Variants in DPP6 observed in about 807,000 individuals in gnomAD.
The protein encoded by DPP6 is dipeptidyl peptidase like 6, also known as A-type potassium channel modulatory protein DPP6.
In DPP6, 69 loss-of-function variants were observed where a neutral mutation model predicts 122.6. The ratio of observed to expected loss-of-function variants is 0.56; its 90% CI spans 0.46 to 0.69. DPP6 has a LOEUF of 0.69. Among genes scored for constraint, DPP6 ranks in the 30% least tolerant of loss-of-function variants. The pLI is 0.00. For missense variants in DPP6, 928 were observed against 1,116.9 expected (o/e 0.83, Z 2.41); for synonymous variants, 418 against 433.1 (o/e 0.97, Z 0.43).
chr7:153,994,055 C>T (rs1797319706), intron 1 of DPP6, among the ~76,000 whole-genome samples: 1 of 152,016 alleles, frequency 6.6e-6, no homozygotes, highest in South Asian at 2.1e-4. Flanking sequence ...TGGAAGCAAC[C>T]TTATAGGTAC....
intron 1 of DPP6, among the ~76,000 whole-genome samples, chr7:153,948,731 G>T (rs1055383975): frequency 6.8e-6 from 1 of 147,190 alleles, no homozygotes; most frequent in Non-Finnish European, 1.5e-5. Context: ...CTATAATATA[G>T]ACTACCTTCC....
chr7:154,080,579 T>G (rs369462833), intron 1 of DPP6, among the ~76,000 whole-genome samples: 1 of 152,208 alleles, frequency 6.6e-6, no homozygotes, highest in Non-Finnish European at 1.5e-5. Context: ...CTTTTCCCTA[T>G]GGTAGATAAG....
chr7:154,387,012 G>A (rs1279515708), intron 1 of DPP6, among the ~76,000 whole-genome samples: 1 of 152,140 alleles, frequency 6.6e-6, no homozygotes, highest in Non-Finnish European at 1.5e-5. Flanking sequence ...CCAGAGTGAG[G>A]TTACAGAAAG....
At chr7:154,079,998 G>A (rs991295362) in intron 1 of DPP6, among the ~76,000 whole-genome samples, 2 of 151,082 alleles carry the variant, frequency 1.3e-5, no homozygotes, top group Non-Finnish European at 2.9e-5. Context: ...TTTAAGAAAG[G>A]CACCAAATAC....
In DPP6 at chr7:154,313,751, A is replaced by ACACACACACATACACC. The variant is rs147976247; in HGVS notation, c.244-132462_244-132461insACACACACATACACCC. 1.4e-3 allele frequency among the ~76,000 whole-genome samples: 63 copies of ACACACACACATACACC among 45,270 alleles called. 7 individuals are homozygous for ACACACACACATACACC. Among genetic ancestry groups the ACACACACACATACACC allele is most frequent in the Middle Eastern group, 0.013 (1 of 76 alleles). The allele number at this position is 45,270 out of a possible 152,430, so 29.7% of individuals were successfully genotyped here. A position where few individuals can be genotyped will look rare whatever the true frequency, so the allele number is the denominator to read the frequency against. ...CACGCACACACACACACACACACAC[A>ACACACACACATACACC]CCCTTACATATATATGTAGTACTTC... On this transcript the variant is annotated intron_variant, in intron 1 of 25. Transcript: ENST00000377770.
At chr7:154,642,768 T>C (rs1836189353) in intron 6 of DPP6, among the ~76,000 whole-genome samples, 2 of 151,594 alleles carry the variant, frequency 1.3e-5, no homozygotes, top group African/African-American at 4.9e-5. Flanking sequence ...CCATGTCTAC[T>C]AAAAATACAA....
chr7:154,740,043 TA>T, intron 8 of DPP6, among the ~76,000 whole-genome samples: 1 of 152,210 alleles, frequency 6.6e-6, no homozygotes. Flanking sequence ...GTAATAAATC[TA>T]AAGGGAGAAT....
chr7:153,788,383 G>A, the DPP6 span, among the ~76,000 whole-genome samples: 2 of 152,204 alleles, frequency 1.3e-5, no homozygotes, highest in Non-Finnish European at 2.9e-5. Flanking sequence ...ACTCATACGT[G>A]CAAAAGTTTC....
At chr7:154,846,566 A>G (rs1435654849) in intron 16 of DPP6, among the ~76,000 whole-genome samples, 1 of 152,224 alleles carries the variant, frequency 6.6e-6, no homozygotes, top group African/African-American at 2.4e-5. Flanking sequence ...AACGTTGACT[A>G]TAAAACCTTT....
chr7:154,063,899 C>T (rs1223611574), intron 1 of DPP6, among the ~76,000 whole-genome samples: 1 of 151,592 alleles, frequency 6.6e-6, no homozygotes, highest in Non-Finnish European at 1.5e-5. Context: ...ATGTCAGGAG[C>T]TGATACTCCT....
intron 1 of DPP6, among the ~76,000 whole-genome samples, chr7:154,221,261 C>T (rs1800289815): frequency 6.6e-6 from 1 of 152,154 alleles, no homozygotes; most frequent in Admixed American, 6.5e-5. Flanking sequence ...CTGCCTCAGC[C>T]TCCCAAGTAG....
intron 1 of DPP6, among the ~76,000 whole-genome samples, chr7:154,120,458 A>T (rs962693583): frequency 1.3e-5 from 2 of 151,958 alleles, no homozygotes; most frequent in African/African-American, 4.8e-5. Flanking sequence ...GTTAGCCAGG[A>T]TGGTCTTGAT....
At chr7:154,280,984 T>A (rs1159692160) in intron 1 of DPP6, among the ~76,000 whole-genome samples, 1 of 2,740 alleles carries the variant, frequency 3.6e-4, no homozygotes, top group African/African-American at 8.3e-4. Context: ...TATTTCTTAT[T>A]TTATTTATTT....
At chr7:154,635,188 C>G (rs548823659) in intron 5 of DPP6, among the ~76,000 whole-genome samples, 2 of 152,132 alleles carry the variant, frequency 1.3e-5, no homozygotes, top group Non-Finnish European at 1.5e-5. Context: ...ACAATAATAT[C>G]TGCCTCATAA....
chr7:154,794,235 G>A lies in DPP6; in HGVS notation c.1260+33G>A, dbSNP rs376283888. 1.2e-3 allele frequency: 1,852 copies of A among 1,563,972 alleles called. 3 individuals are homozygous for A. The highest frequency in any genetic ancestry group is 2.2e-3 in the Middle Eastern group (13 of 5,820). On this transcript the variant is annotated intron_variant, in intron 11 of 25. Transcript: ENST00000377770. Reference sequence around the variant, plus strand: ...GGGCTGTGGGGGTGGAGGGGAGACGGGTGAAGAACCGATGGTCAGACGCGC... The same window carrying A: ...GGGCTGTGGGGGTGGAGGGGAGACGAGTGAAGAACCGATGGTCAGACGCGC...
intron 1 of DPP6, among the ~76,000 whole-genome samples, chr7:154,341,323 C>T (rs527689677): frequency 8.5e-5 from 13 of 152,214 alleles, no homozygotes; most frequent in South Asian, 8.3e-4. Flanking sequence ...CTGACATCTG[C>T]GGTGGCTGTG....
chr7:154,497,622 A>G (rs2151401158), intron 3 of DPP6, among the ~76,000 whole-genome samples: 1 of 152,112 alleles, frequency 6.6e-6, no homozygotes, highest in East Asian at 1.9e-4. Context: ...AAAAAGAAAA[A>G]AAAAAAGAAA....
chr7:154,766,658 C>T (rs1795918925), intron 8 of DPP6, among the ~76,000 whole-genome samples: 1 of 152,198 alleles, frequency 6.6e-6, no homozygotes, highest in East Asian at 1.9e-4. Flanking sequence ...CCTCCCAGTT[C>T]TCTGAAGAGT....
intron 5 of DPP6, among the ~76,000 whole-genome samples, chr7:154,616,308 G>C (rs1184065972): frequency 6.6e-6 from 1 of 152,142 alleles, no homozygotes; most frequent in Non-Finnish European, 1.5e-5. Context: ...AAGATTTAGG[G>C]ATCTGCATTC....
Sources: allele counts gnomAD v4.1 joint callset (sites outside exome capture counted in the v4.1 genomes callset), GRCh38; gene constraint gnomAD v4.1.1; transcripts MANE v1.5; gene names NCBI Gene and HGNC (gene_info 2026-07-23, HGNC 2026-07-21).